The following CAMK2D variants were observed in gnomAD, a reference collection of about 807,000 sequenced individuals.
CAMK2D encodes calcium/calmodulin-dependent protein kinase type II subunit delta.
A neutral mutation model predicts 84.0 loss-of-function variants in CAMK2D; 37 were observed. That is an observed-to-expected ratio of 0.44 (90% CI 0.34 to 0.58). The LOEUF (loss-of-function observed/expected upper bound fraction) is 0.58. CAMK2D is among the 20% of genes least tolerant of loss of function. CAMK2D has a pLI of 0.02. For synonymous variants in CAMK2D, 202 were observed against 212.5 expected (o/e 0.95, Z 0.43); for missense variants, 448 against 652.5 (o/e 0.69, Z 3.41).
At chr4:113,540,305 C>T (rs2154189994) in intron 6 of CAMK2D, among the ~76,000 whole-genome samples, 1 of 152,276 alleles carries the variant, frequency 6.6e-6, no homozygotes, top group Non-Finnish European at 1.5e-5. Context: ...TAGTATTTCT[C>T]ACCTAATTAA....
At chr4:113,626,015 A>G (rs1188929788) in intron 3 of CAMK2D, among the ~76,000 whole-genome samples, 1 of 130,178 alleles carries the variant, frequency 7.7e-6, no homozygotes, top group African/African-American at 2.7e-5. Flanking sequence ...TATCATCTCA[A>G]AAAAAAAAAA....
chr4:113,753,921 A>G, intron 2 of CAMK2D: 1 of 984,056 alleles, frequency 1.0e-6, no homozygotes, highest in South Asian at 4.7e-5. Flanking sequence ...TTAAGAGCCC[A>G]TAGTACTTTA....
chr4:113,548,705 T>C, intron 5 of CAMK2D: 1 of 1,586,752 alleles, frequency 6.3e-7, no homozygotes, highest in Non-Finnish European at 8.7e-7. Context: ...GATTAACACT[T>C]TCTAGAATCT....
At chr4:113,652,371 AT>A (rs747401929) in intron 3 of CAMK2D, among the ~76,000 whole-genome samples, 1 of 152,186 alleles carries the variant, frequency 6.6e-6, no homozygotes, top group South Asian at 2.1e-4. Context: ...GTTCTTTGGA[AT>A]TCCAATCTAA....
chr4:113,756,295 C>G (rs931184556), intron 2 of CAMK2D, among the ~76,000 whole-genome samples: 1 of 151,912 alleles, frequency 6.6e-6, no homozygotes, highest in African/African-American at 2.4e-5. Flanking sequence ...AACAATAGCC[C>G]TTTCTTTTTC....
intron 16 of CAMK2D, among the ~76,000 whole-genome samples, chr4:113,495,598 G>A (rs1012631944): frequency 5.9e-5 from 9 of 152,132 alleles, no homozygotes; most frequent in Admixed American, 5.9e-4. Context: ...CTGAGACCAC[G>A]ATATCCAGGT....
rs376981707 is a variant in CAMK2D, at chr4:113,586,445, C to T, written c.275+22707G>A. On this transcript the variant is annotated intron_variant, in intron 4 of 20. Transcript: ENST00000511664. ...TTGAGGAAATAAGTTAACTTTTTGG[C>T]CAAAGCTATTTTGGATTGCTGCCCC... 5.3e-5 allele frequency among the ~76,000 whole-genome samples: 8 copies of T among 152,066 alleles called. No individual in the cohort carries two copies. In the South Asian group the frequency reaches 8.3e-4, roughly 16 times the overall value.
intron 2 of CAMK2D, among the ~76,000 whole-genome samples, chr4:113,715,937 G>T (rs1307689468): frequency 6.6e-6 from 1 of 152,058 alleles, no homozygotes; most frequent in Non-Finnish European, 1.5e-5. Context: ...AAAGCCTAAT[G>T]CCAGAAACAG....
intron 3 of CAMK2D, among the ~76,000 whole-genome samples, chr4:113,613,105 G>T (rs1262595487): frequency 2.6e-5 from 4 of 152,070 alleles, no homozygotes; most frequent in South Asian, 2.1e-4. Flanking sequence ...GGGGTTAAAA[G>T]ATATAATAAA....
At chr4:113,464,362 T>C (rs1022445500) in intron 17 of CAMK2D, among the ~76,000 whole-genome samples, 2 of 152,270 alleles carry the variant, frequency 1.3e-5, no homozygotes, top group Admixed American at 6.5e-5. Context: ...TTTTGATATA[T>C]GTTTTGCAAA....
intron 3 of CAMK2D, among the ~76,000 whole-genome samples, chr4:113,621,511 T>C (rs1300929412): frequency 2.6e-5 from 4 of 152,202 alleles, no homozygotes. Flanking sequence ...AAAATATATT[T>C]ACGTCTATAT....
intron 2 of CAMK2D, among the ~76,000 whole-genome samples, chr4:113,737,414 C>A (rs1346347227): frequency 1.3e-5 from 2 of 152,062 alleles, no homozygotes; most frequent in East Asian, 3.9e-4. Context: ...TATGCTTCCA[C>A]CTACATGAGG....
intron 4 of CAMK2D, among the ~76,000 whole-genome samples, chr4:113,557,238 A>G (rs781175031): frequency 4.1e-4 from 63 of 152,130 alleles, no homozygotes; most frequent in Non-Finnish European, 7.9e-4. Flanking sequence ...CTCTCCACAC[A>G]ATAGCTTTAA....
intron 3 of CAMK2D, among the ~76,000 whole-genome samples, chr4:113,641,900 T>C (rs1351284148): frequency 1.3e-5 from 2 of 151,856 alleles, no homozygotes; most frequent in African/African-American, 2.4e-5. Context: ...TCCCAGCTAC[T>C]CAGGAAGGCT....
At chr4:113,630,003 CCAGAGACCAGGGAATT>C (rs1419570372) in intron 3 of CAMK2D, among the ~76,000 whole-genome samples, 2 of 151,834 alleles carry the variant, frequency 1.3e-5, no homozygotes, top group Admixed American at 6.6e-5. Flanking sequence ...CTCATATAAT[CCAGAGACCAGGGAATT>C]CAGACATAAA....
At chr4:113,506,670 G>A (rs892686771) in intron 13 of CAMK2D, among the ~76,000 whole-genome samples, 4 of 152,068 alleles carry the variant, frequency 2.6e-5, no homozygotes, top group African/African-American at 9.7e-5. Context: ...AAATGAACAG[G>A]GGCACTTATG....
At chr4:113,678,157 C>T (rs2099326652) in intron 2 of CAMK2D, among the ~76,000 whole-genome samples, 1 of 152,008 alleles carries the variant, frequency 6.6e-6, no homozygotes, top group South Asian at 2.1e-4. Flanking sequence ...ACTCAAGCCC[C>T]GTTTTTAATA....
intron 15 of CAMK2D, among the ~76,000 whole-genome samples, chr4:113,501,265 A>C (rs1285046670): frequency 7.0e-6 from 1 of 142,496 alleles, no homozygotes; most frequent in East Asian, 2.4e-4. Flanking sequence ...AGCACACTTA[A>C]AAGTACACTG....
intron 3 of CAMK2D, among the ~76,000 whole-genome samples, chr4:113,624,251 T>C (rs2154279652): frequency 6.6e-6 from 1 of 152,274 alleles, no homozygotes; most frequent in South Asian, 2.1e-4. Context: ...AAATAAAAAG[T>C]ATGTCAAATT....
Sources: allele counts gnomAD v4.1 joint callset (sites outside exome capture counted in the v4.1 genomes callset), GRCh38; gene constraint gnomAD v4.1.1; transcripts MANE v1.5; gene names NCBI Gene and HGNC (gene_info 2026-07-23, HGNC 2026-07-21).